WASHC5: variants seen among roughly 807,000 people sequenced by gnomAD.
WASHC5 encodes the protein WASH complex subunit 5.
Under a neutral mutation model 150.4 loss-of-function variants are expected in WASHC5, and 101 were observed. That is an observed-to-expected ratio of 0.67 (90% CI 0.57 to 0.79). WASHC5 has a LOEUF of 0.79. Among genes scored for constraint, WASHC5 ranks in the 30% least tolerant of loss-of-function variants. WASHC5 has a pLI of 0.00. For missense variants in WASHC5, 1,195 were observed against 1,396.3 expected (o/e 0.86, Z 2.30); for synonymous variants, 467 against 491.2 (o/e 0.95, Z 0.65).
intron 9 of WASHC5, among the ~76,000 whole-genome samples, chr8:125,071,739 C>T (rs930441924): frequency 3.9e-5 from 6 of 152,208 alleles, no homozygotes; most frequent in African/African-American, 1.2e-4. Flanking sequence ...TTTCCCGCTG[C>T]TGCTTTAACA....
At chr8:125,032,575 C>T in intron 26 of WASHC5, 181 bp from the exon 27 acceptor site, 1 of 714,014 alleles carries the variant, frequency 1.4e-6, no homozygotes, top group Non-Finnish European at 2.5e-6. Context: ...TAGGGCATTC[C>T]AGGGGTCTGA....
intron 26 of WASHC5, among the ~76,000 whole-genome samples, chr8:125,033,428 A>G (rs1815600240): frequency 1.3e-5 from 2 of 152,250 alleles, no homozygotes; most frequent in Admixed American, 6.5e-5. Flanking sequence ...CTTGACCCCT[A>G]TCTCATACTG....
At chr8:125,069,288 C>T (rs1300651041) in intron 9 of WASHC5, among the ~76,000 whole-genome samples, 2 of 152,214 alleles carry the variant, frequency 1.3e-5, no homozygotes, top group African/African-American at 2.4e-5. Flanking sequence ...TTGGACTTCC[C>T]AGCCTCCAGA....
intron 19 of WASHC5, among the ~76,000 whole-genome samples, chr8:125,047,654 T>C (rs1386653728): frequency 6.6e-6 from 1 of 152,182 alleles, no homozygotes; most frequent in Non-Finnish European, 1.5e-5. Context: ...GCTAGGCTGA[T>C]CTCGAACTCC....
chr8:125,027,751 C>G (rs550675178), intron 28 of WASHC5, among the ~76,000 whole-genome samples: 2 of 152,314 alleles, frequency 1.3e-5, no homozygotes, highest in Non-Finnish European at 2.9e-5. Flanking sequence ...CCACCTGTAT[C>G]CCAATAACTT....
chr8:125,055,390 T>G (rs1816375334), intron 17 of WASHC5, among the ~76,000 whole-genome samples: 1 of 151,352 alleles, frequency 6.6e-6, no homozygotes, highest in Admixed American at 6.5e-5. Context: ...ACCACTGCAC[T>G]CCAGCCTGGG....
chr8:125,044,012 C>T lies in WASHC5; in HGVS notation c.2750G>A (p.Ser917Asn). Reference protein sequence around the residue: ...DTLKTLMNAVSPLKSIVANSN... With the variant: ...DTLKTLMNAVNPLKSIVANSN... Reference sequence around the variant, plus strand: ...CTCACCGACAATACTTTTTAGGGGACTGACAGCATTCATGAGGGTTTTTAA... The same window carrying T: ...CTCACCGACAATACTTTTTAGGGGATTGACAGCATTCATGAGGGTTTTTAA... The change falls in exon 22 of 29, where the codon AGT (serine) becomes AAT (asparagine). Residue 917 changes from serine to asparagine, a missense_variant. Physicochemically the swap from Ser to Asn is conservative, Grantham distance 46 (BLOSUM62 1). Around this residue, in one of 3 missense-constraint regions of WASHC5, gnomAD observed 997 missense variants for 1,168.1 expected, o/e 0.85. Coordinates refer to ENST00000318410, the MANE Select transcript of WASHC5 (RefSeq NM_014846.4). The T allele has an allele frequency of 6.2e-7, 1 of 1,613,154 alleles. No individual in the cohort carries two copies. The highest frequency in any genetic ancestry group is 1.3e-5 in the African/African-American group (1 of 75,018).
chr8:125,060,498 AAG>A (rs1816562831), intron 12 of WASHC5, among the ~76,000 whole-genome samples: 1 of 152,066 alleles, frequency 6.6e-6, no homozygotes, highest in Non-Finnish European at 1.5e-5. Context: ...AAAAAAAAAA[AAG>A]AGTTTATGAT....
intron 14 of WASHC5, among the ~76,000 whole-genome samples, chr8:125,058,036 G>A (rs1435426377): frequency 6.6e-6 from 1 of 151,738 alleles, no homozygotes; most frequent in Non-Finnish European, 1.5e-5. Context: ...ACAGAAAAGA[G>A]CTACTCCTGT....
At chr8:125,087,778 T>C (rs1206030535) in intron 1 of WASHC5, among the ~76,000 whole-genome samples, 1 of 151,476 alleles carries the variant, frequency 6.6e-6, no homozygotes, top group African/African-American at 2.4e-5. Context: ...GTATAGGAGA[T>C]TCTTGCTATT....
chr8:125,084,155 G>A (rs1817352047), intron 1 of WASHC5, 133 bp from the exon 2 acceptor site: 1 of 457,546 alleles, frequency 2.2e-6, no homozygotes, highest in Non-Finnish European at 4.0e-6. Context: ...TAGGGGAAAG[G>A]GTGTTTATCT....
chr8:125,065,250 G>C (rs1442224504), intron 10 of WASHC5, among the ~76,000 whole-genome samples: 2 of 152,174 alleles, frequency 1.3e-5, no homozygotes, highest in Non-Finnish European at 2.9e-5. Context: ...TAGGACAGAG[G>C]AAGCACAGGT....
chr8:125,065,936 G>T (rs537776859), intron 10 of WASHC5, among the ~76,000 whole-genome samples: 8 of 152,220 alleles, frequency 5.3e-5, no homozygotes, highest in Middle Eastern at 3.4e-3. Context: ...TTCCTTGCGG[G>T]CATTTTTTCA....
intron 8 of WASHC5, 136 bp from the exon 9 acceptor site, chr8:125,073,460 C>T (rs1816963248): frequency 6.5e-6 from 5 of 768,822 alleles, no homozygotes; most frequent in East Asian, 5.4e-5. Context: ...TTATAGGGCT[C>T]GAAGATAACA....
intron 8 of WASHC5, 26 bp downstream of exon 8, chr8:125,074,972 G>T: frequency 7.4e-7 from 1 of 1,355,390 alleles, no homozygotes; most frequent in Non-Finnish European, 1.1e-6. Flanking sequence ...GCAGTTATCA[G>T]AGAATGTCCC....
chr8:125,070,734 T>C (rs1222230885), intron 9 of WASHC5, among the ~76,000 whole-genome samples: 1 of 152,232 alleles, frequency 6.6e-6, no homozygotes, highest in African/African-American at 2.4e-5. Flanking sequence ...ACTTCAGCCA[T>C]CGTGTTCATA....
At chr8:125,089,767 T>C (rs987432215) in intron 1 of WASHC5, among the ~76,000 whole-genome samples, 3 of 152,232 alleles carry the variant, frequency 2.0e-5, no homozygotes, top group Admixed American at 2.0e-4. Context: ...TGTCAATCTC[T>C]TGTTTTAATC....
intron 1 of WASHC5, among the ~76,000 whole-genome samples, chr8:125,089,409 C>T (rs1048342985): frequency 2.0e-5 from 3 of 151,998 alleles, no homozygotes; most frequent in East Asian, 3.9e-4. Flanking sequence ...AAAAAAATCG[C>T]AAAAAAATCT....
At chr8:125,068,674 G>T (rs1816818339) in intron 9 of WASHC5, among the ~76,000 whole-genome samples, 1 of 152,122 alleles carries the variant, frequency 6.6e-6, no homozygotes, top group Non-Finnish European at 1.5e-5. Context: ...CAAAGATGAG[G>T]GACCCCCAAA....
Sources: gnomAD v4.1 joint callset for allele counts (sites outside exome capture counted in the v4.1 genomes callset) on GRCh38, gnomAD v4.1.1 for gene constraint, gnomAD v4.1.1 regional missense constraint, MANE v1.5 for transcripts, NCBI Gene and HGNC (gene_info 2026-07-23, HGNC 2026-07-21) for gene names.